The following TACC2 variants were observed in gnomAD, a reference collection of about 807,000 sequenced individuals.
TACC2 encodes the protein transforming acidic coiled-coil containing protein 2.
A neutral mutation model predicts 227.3 loss-of-function variants in TACC2; 137 were observed. The observed-to-expected ratio is 0.60, with a 90% CI of 0.52 to 0.69. The LOEUF is 0.69. TACC2 is among the 30% of genes least tolerant of loss of function. The probability of loss-of-function intolerance (pLI) is 0.00; values close to 1 mark genes in which losing one functional copy is unlikely to be tolerated. For synonymous variants in TACC2, 1,523 were observed against 1,487.5 expected, an observed-to-expected ratio of 1.02 and a Z score of -0.55; for missense variants, 3,470 against 3,694.4, an observed-to-expected ratio of 0.94 and a Z score of 1.57.
chr10:121,997,352 C>T (rs577119001), intron 1 of TACC2, among the ~76,000 whole-genome samples: 15 of 152,194 alleles, frequency 9.9e-5, no homozygotes, highest in Non-Finnish European at 2.2e-4. Context: ...CTAAGTCCAG[C>T]GTGCACAGAC....
In TACC2 at chr10:122,089,068, G is replaced by A. The variant is rs116988714; in HGVS notation, c.5573+477G>A. 9.9e-3 allele frequency among the ~76,000 whole-genome samples: 1,512 copies of A among 152,256 alleles called. 132 individuals are homozygous for A. In the East Asian group the frequency reaches 0.22, roughly 22 times the overall value. ...CAGGAGGTGAAGGTTGCAGTGAGCC[G>A]TGTTTGTGCCACTGCACTCCACCCT... On this transcript the variant is annotated intron_variant, in intron 5 of 22. Transcript: ENST00000369005.
Position 122,249,576 on chromosome 10 carries a change from A to G in TACC2, c.8693A>G (p.Lys2898Arg), listed in dbSNP as rs547685475. Residue 2898 changes from lysine (K) to arginine (R), a missense_variant, in exon 22 of 23, where the codon AAG (lysine) becomes AGG (arginine). Lys to Arg is a conservative substitution (Grantham distance 26). This residue lies in a region of TACC2 where 89 missense variants were observed against 91.4 expected (regional missense o/e 0.97). Transcript: ENST00000369005. ...GCTGAGATTGCTCAGGTTCGAGGCAAGGCCCAGCAGGAGCAAGCCGCCCAC... is the reference window on the plus strand; with the variant it reads ...GCTGAGATTGCTCAGGTTCGAGGCAGGGCCCAGCAGGAGCAAGCCGCCCAC... Reference protein sequence around the residue: ...ANAEIAQVRGKAQQEQAAHQA... With the variant: ...ANAEIAQVRGRAQQEQAAHQA... 6.2e-7 allele frequency: 1 copy of G among 1,614,118 alleles called. No homozygotes were observed. Among genetic ancestry groups the G allele is most frequent in the African/African-American group, 1.3e-5 (1 of 75,070 alleles).
chr10:122,016,335 G>A (rs566018128), intron 1 of TACC2, among the ~76,000 whole-genome samples: 42 of 150,750 alleles, frequency 2.8e-4, no homozygotes, highest in African/African-American at 9.3e-4. Flanking sequence ...TTTGAAGGCC[G>A]AGGCAGGTGG....
At chr10:122,224,824 C>T in intron 12 of TACC2, 37 bp downstream of exon 12, 2 of 1,566,838 alleles carry the variant, frequency 1.3e-6, no homozygotes, top group South Asian at 2.2e-5. Flanking sequence ...AGGGGACTCG[C>T]TTTCCTGCCT....
Position 122,084,419 on chromosome 10 carries a change from G to T in TACC2, c.1919G>T (p.Gly640Val), listed in dbSNP as rs757345853. ...SHSAQPPRKG[G>V]AGHTDGPHSQ... ...TCAGCACAGCCACCCAGAAAGGGGGGTGCTGGGCACACGGACGGGCCCCAC... is the reference window on the plus strand; with the variant it reads ...TCAGCACAGCCACCCAGAAAGGGGGTTGCTGGGCACACGGACGGGCCCCAC... Residue 640 changes from glycine to valine, a missense_variant, in exon 4 of 23, where the codon GGT (glycine) becomes GTT (valine). Physicochemically the swap from Gly to Val is moderately radical, Grantham distance 109. Coordinates refer to ENST00000369005, the MANE Select transcript of TACC2 (RefSeq NM_206862.4). 1.2e-6 allele frequency: 2 copies of T among 1,613,008 alleles called. No individual in the cohort carries two copies. Among genetic ancestry groups the T allele is most frequent in the Admixed American group, 1.7e-5 (1 of 60,028 alleles).
At chr10:122,079,512 G>C (rs1300835133) in intron 3 of TACC2, among the ~76,000 whole-genome samples, 2 of 152,146 alleles carry the variant, frequency 1.3e-5, no homozygotes, top group African/African-American at 4.8e-5. Flanking sequence ...CTCTCTTTTG[G>C]GTCCTCAGGC....
chr10:122,237,879 C>T (rs753191076), intron 17 of TACC2, 82 bp from the exon 18 acceptor site: 5 of 1,008,946 alleles, frequency 5.0e-6, no homozygotes, highest in Non-Finnish European at 7.6e-6. Context: ...TATTCACCGT[C>T]TCCTTTTCTT....
intron 1 of TACC2, among the ~76,000 whole-genome samples, chr10:122,008,265 T>TTATTATTATTTTTTA (rs1342584652): frequency 1.0e-4 from 1 of 9,720 alleles, no homozygotes; most frequent in African/African-American, 3.2e-4. Flanking sequence ...ATTATTATTA[T>TTATTATTATTTTTTA]TTTTTTTTTT....
At chr10:122,052,392 CGTT>C (rs2075791071) in intron 3 of TACC2, 1 of 152,030 alleles carries the variant, frequency 6.6e-6, no homozygotes. Flanking sequence ...AATTGCCTCT[CGTT>C]GGCATGCAAA....
At chr10:122,241,866 G>A in intron 18 of TACC2, 92 bp from the exon 19 acceptor site, 1 of 1,249,924 alleles carries the variant, frequency 8.0e-7, no homozygotes, top group Non-Finnish European at 1.2e-6. Flanking sequence ...TTGGGGCCCT[G>A]CTGGACATGG....
chr10:122,019,270 G>A (rs1406460310), intron 1 of TACC2, among the ~76,000 whole-genome samples: 1 of 152,170 alleles, frequency 6.6e-6, no homozygotes, highest in Non-Finnish European at 1.5e-5. Flanking sequence ...AGTACATTCT[G>A]CACACTCCAT....
At chr10:122,160,521 GAGA>G (rs146856857) in intron 7 of TACC2, among the ~76,000 whole-genome samples, 4,863 of 145,540 alleles carry the variant, frequency 0.033, 225 homozygotes, top group East Asian at 0.23. Context: ...TCACACAGCA[GAGA>G]AGAAGTGTGT....
intron 8 of TACC2, among the ~76,000 whole-genome samples, chr10:122,201,706 C>T (rs2094859959): frequency 1.3e-5 from 2 of 152,182 alleles, no homozygotes; most frequent in Admixed American, 1.3e-4. Context: ...TCTCACAGAC[C>T]CCAGGCTGGT....
intron 5 of TACC2, among the ~76,000 whole-genome samples, chr10:122,116,970 A>C (rs1279148871): frequency 6.6e-6 from 1 of 151,766 alleles, no homozygotes; most frequent in Non-Finnish European, 1.5e-5. Flanking sequence ...AACACCTGGC[A>C]AACAGAAGTG....
chr10:122,169,593 C>T (rs796426332), intron 7 of TACC2, among the ~76,000 whole-genome samples: 71 of 152,274 alleles, frequency 4.7e-4, no homozygotes, highest in African/African-American at 1.4e-3. Flanking sequence ...CCTGGTTATA[C>T]GGATGATTGG....
In TACC2 at chr10:122,082,929, C is replaced by T. The variant is rs1297465705; in HGVS notation, c.429C>T (p.Ala143=). The change falls in exon 4 of 23, where the codon GCC becomes GCT. Residue 143 remains alanine, a synonymous_variant. Transcript: ENST00000369005. ...PQTQSPRREP[A]PNAPGDIAAA... ...CTCAGTCTCCCAGGAGGGAACCTGCCCCAAATGCCCCAGGAGACATCGCGG... is the reference window on the plus strand; with the variant it reads ...CTCAGTCTCCCAGGAGGGAACCTGCTCCAAATGCCCCAGGAGACATCGCGG... 1 of 1,613,018 alleles carries T rather than the reference C, an allele frequency of 6.2e-7. No homozygotes were observed. The highest frequency in any genetic ancestry group is 1.7e-5 in the Admixed American group (1 of 60,014).
intron 5 of TACC2, among the ~76,000 whole-genome samples, chr10:122,104,532 C>G (rs1300199243): frequency 6.6e-6 from 1 of 152,090 alleles, no homozygotes; most frequent in African/African-American, 2.4e-5. Context: ...CCACGCCCAG[C>G]TAATTTTTTT....
intron 8 of TACC2, 72 bp downstream of exon 8, chr10:122,195,248 C>G: frequency 7.2e-7 from 1 of 1,397,670 alleles, no homozygotes; most frequent in Non-Finnish European, 9.8e-7. Flanking sequence ...TGCAGCAGTT[C>G]CTCCTGGGTC....
At chr10:122,220,575 G>C (rs1008117618) in intron 11 of TACC2, among the ~76,000 whole-genome samples, 1 of 152,196 alleles carries the variant, frequency 6.6e-6, no homozygotes, top group Non-Finnish European at 1.5e-5. Context: ...ACACCCAGGG[G>C]TGCTGATGTG....
Sources: allele counts gnomAD v4.1 joint callset (sites outside exome capture counted in the v4.1 genomes callset), GRCh38; gene constraint gnomAD v4.1.1; regional missense constraint gnomAD v4.1.1; transcripts MANE v1.5; gene names NCBI Gene and HGNC (gene_info 2026-07-23, HGNC 2026-07-21).